The following UBE3B variants were observed in gnomAD, a reference collection of about 807,000 sequenced individuals.
UBE3B encodes ubiquitin-protein ligase E3B.
UBE3B carries 80 observed loss-of-function variants against 132.3 expected under a neutral mutation model. The ratio of observed to expected loss-of-function variants is 0.60; its 90% CI spans 0.50 to 0.73. The LOEUF is 0.73. Ranked by LOEUF, UBE3B falls within the 30% of genes least tolerant of loss-of-function variation. The probability of loss-of-function intolerance (pLI) is 0.00; values close to 1 mark genes in which losing one functional copy is unlikely to be tolerated. For synonymous variants in UBE3B, 487 were observed against 520.4 expected (o/e 0.94, Z 0.87); for missense variants, 1,196 against 1,362.5 (o/e 0.88, Z 1.92).
At position 109,534,051 on chromosome 12, in the gene UBE3B, G is replaced by A. The variant is rs868767579; in HGVS notation, c.3015+493G>A. 10 of 1,294,654 alleles carry A rather than the reference G, an allele frequency of 7.7e-6. No homozygotes were observed. In the African/African-American group the frequency reaches 1.5e-4, roughly 20 times the overall value. 80.2% of individuals were successfully genotyped at this position (1,294,654 alleles called of 1,614,324 possible). A position where few individuals can be genotyped will look rare whatever the true frequency, so the allele number is the denominator to read the frequency against. On this transcript the variant is annotated intron_variant, in intron 27 of 27. Transcript: ENST00000342494. This position sits in a 1 kb window ranked among gnomAD's most constrained non-coding sequence, Gnocchi z 5.2. ...GTGTGTCTCAAGCCTGGCCCACTGT[G>A]GGTGCTCAAATGAGAGTCCTACTCC...
intron 18 of UBE3B, among the ~76,000 whole-genome samples, chr12:109,514,701 G>A (rs1042121730): frequency 1.3e-5 from 2 of 152,010 alleles, no homozygotes; most frequent in African/African-American, 4.8e-5. Flanking sequence ...TGCCATGGAG[G>A]GGAGAGGTAG....
In UBE3B at chr12:109,517,285, A is replaced by G. The variant is rs1881184662; in HGVS notation, c.2076+401A>G. 2.6e-5 allele frequency among the ~76,000 whole-genome samples: 4 copies of G among 152,180 alleles called. No individual in the cohort carries two copies. In the South Asian group the frequency reaches 6.2e-4, roughly 24 times the overall value. ...AACTGTGATTGTAGTATATAAGTGG[A>G]GTGGAGGTGTTACATTTACTGAGTT... On this transcript the variant is annotated intron_variant, in intron 19 of 27. Coordinates refer to ENST00000342494, the MANE Select transcript of UBE3B (RefSeq NM_130466.4).
intron 13 of UBE3B, 35 bp from the exon 14 acceptor site, chr12:109,502,988 G>C (rs1407623425): frequency 2.5e-6 from 4 of 1,613,532 alleles, no homozygotes; most frequent in Non-Finnish European, 8.5e-7. Flanking sequence ...AGCTGGCTGA[G>C]CTGCTGCTCA....
rs577777455 is a variant in UBE3B at position 109,514,502 on chromosome 12, C to G, written c.1957-2263C>G. ...CACTTCTGTCTCTTTAGTTCTGTTT[C>G]TGTGTCTTCTGCTATCTCCACCCCA... is the stretch of plus-strand genomic sequence containing the variant. On this transcript the variant is annotated intron_variant, in intron 18 of 27. Transcript: ENST00000342494. Among the ~76,000 whole-genome samples the G allele has an allele frequency of 1.4e-3, 212 of 152,322 alleles. 1 individual carries two copies. The highest frequency in any genetic ancestry group is 2.4e-3 in the Non-Finnish European group (161 of 68,034).
intron 27 of UBE3B, 185 bp downstream of exon 27, chr12:109,533,743 TGCCCACGGACTCA>T (rs913622736): frequency 3.4e-5 from 28 of 824,184 alleles, no homozygotes; most frequent in Non-Finnish European, 5.6e-5. Context: ...CCAGAGAGAC[TGCCCACGGACTCA>T]GCCCTCTCTC....
Position 109,522,714 on chromosome 12 carries a change from C to T in UBE3B, c.2364+1163C>T, listed in dbSNP as rs1294628472. 2.6e-5 allele frequency among the ~76,000 whole-genome samples: 4 copies of T among 152,204 alleles called. No individual in the cohort carries two copies. The highest frequency in any genetic ancestry group is 9.6e-5 in the African/African-American group (4 of 41,452). On this transcript the variant is annotated intron_variant, in intron 21 of 27. Transcript: ENST00000342494. The surrounding 1 kb of genome is among the most constrained non-coding windows in gnomAD (Gnocchi z 4.2). ...CTGGAAACAGTCTATGTGCACCGGC[C>T]TCAGTCCCTGGCCATGATGGAATCA...
the UBE3B span, among the ~76,000 whole-genome samples, chr12:109,545,347 G>A: frequency 6.4e-4 from 98 of 152,358 alleles, 1 homozygote; most frequent in Admixed American, 6.0e-3. Flanking sequence ...CCCAGGCTGG[G>A]TGCTGAGTTA....
chr12:109,519,953 T>C (rs887888727), intron 19 of UBE3B: 2 of 152,192 alleles, frequency 1.3e-5, no homozygotes, highest in Non-Finnish European at 2.9e-5. Context: ...CAGCAAGGGT[T>C]CCCCAAAACA....
At chr12:109,517,935 T>A in intron 19 of UBE3B, 1 of 446,476 alleles carries the variant, frequency 2.2e-6, no homozygotes, top group Non-Finnish European at 4.5e-6. Flanking sequence ...TGAGTGCCCC[T>A]GGCCACTGGT....
Position 109,521,569 on chromosome 12 carries a change from C to T in UBE3B, c.2364+18C>T. 6.5e-7 allele frequency: 1 copy of T among 1,533,106 alleles called. No homozygotes were observed. The highest frequency in any genetic ancestry group is 8.8e-7 in the Non-Finnish European group (1 of 1,137,730). 95.0% of individuals were successfully genotyped at this position (1,533,106 alleles called of 1,614,324 possible). On this transcript the variant is annotated intron_variant, in intron 21 of 27. Transcript: ENST00000342494. This position sits in a 1 kb window ranked among gnomAD's most constrained non-coding sequence, Gnocchi z 4.2. ...TGTATGAGGTAGGAACGTTAAGAAA[C>T]AGAGAAATGTAAAATAAAATGTTAA...
At chr12:109,499,156 G>A (rs142508848) in intron 11 of UBE3B, among the ~76,000 whole-genome samples, 8 of 152,266 alleles carry the variant, frequency 5.3e-5, no homozygotes, top group South Asian at 4.1e-4. Flanking sequence ...ATGTTCACAC[G>A]AGTGACGTTG....
intron 15 of UBE3B, 75 bp from the exon 16 acceptor site, chr12:109,509,521 A>G (rs1291580379): frequency 2.3e-6 from 2 of 852,226 alleles, no homozygotes; most frequent in Non-Finnish European, 1.9e-6. Flanking sequence ...TTTATTGTCT[A>G]GTAAGCAGTA....
At chr12:109,524,167 G>A in intron 22 of UBE3B, 52 bp downstream of exon 22, 1 of 1,608,108 alleles carries the variant, frequency 6.2e-7, no homozygotes, top group Non-Finnish European at 8.5e-7. Context: ...TGAACTCACA[G>A]CTTGCGAAGT....
At chr12:109,489,059 G>C (rs1415620742) in intron 7 of UBE3B, among the ~76,000 whole-genome samples, 1 of 152,170 alleles carries the variant, frequency 6.6e-6, no homozygotes, top group Non-Finnish European at 1.5e-5. Flanking sequence ...TCCCTGGTAA[G>C]TGTCGTTAGT....
chr12:109,495,745 A>G (rs1448360261), intron 9 of UBE3B, among the ~76,000 whole-genome samples: 1 of 152,252 alleles, frequency 6.6e-6, no homozygotes, highest in Non-Finnish European at 1.5e-5. Flanking sequence ...GGCTCTGGCT[A>G]GTTATCTGCA....
chr12:109,526,242 G>A, intron 23 of UBE3B, 116 bp from the exon 24 acceptor site: 1 of 1,033,496 alleles, frequency 9.7e-7, no homozygotes, highest in Non-Finnish European at 1.5e-6. Context: ...TCCCAAGCAT[G>A]TGCCATCTTA....
intron 9 of UBE3B, 123 bp from the exon 10 acceptor site, chr12:109,497,695 T>A: frequency 1.0e-6 from 1 of 965,196 alleles, no homozygotes; most frequent in Non-Finnish European, 1.6e-6. Flanking sequence ...ATTTCAGCCT[T>A]CAGTTTTCTC....
At chr12:109,497,480 C>T (rs1422641059) in intron 9 of UBE3B, among the ~76,000 whole-genome samples, 1 of 152,134 alleles carries the variant, frequency 6.6e-6, no homozygotes, top group Non-Finnish European at 1.5e-5. Flanking sequence ...CACTCCAAAA[C>T]CCCCTTTTTT....
At chr12:109,519,036 T>A (rs1386214889) in intron 19 of UBE3B, among the ~76,000 whole-genome samples, 1 of 152,202 alleles carries the variant, frequency 6.6e-6, no homozygotes, top group Non-Finnish European at 1.5e-5. Context: ...TCTATTAGGC[T>A]TCCAGATATT....
Sources: gnomAD v4.1 joint callset for allele counts (sites outside exome capture counted in the v4.1 genomes callset) on GRCh38, gnomAD v4.1.1 for gene constraint, Gnocchi (gnomAD v3.1) non-coding constraint, MANE v1.5 for transcripts, NCBI Gene and HGNC (gene_info 2026-07-23, HGNC 2026-07-21) for gene names.